USP38: variants seen among roughly 807,000 people sequenced by gnomAD.
USP38 encodes the protein ubiquitin specific peptidase 38, also known as ubiquitin carboxyl-terminal hydrolase 38.
Under a neutral mutation model 94.3 loss-of-function variants are expected in USP38, and 49 were observed. That is an observed-to-expected ratio of 0.52 (90% confidence interval 0.41 to 0.66). The LOEUF (loss-of-function observed/expected upper bound fraction) is 0.66. Ranked by LOEUF, USP38 falls within the 30% of genes least tolerant of loss-of-function variation. The pLI, the probability that USP38 is intolerant of heterozygous loss-of-function variation, is 0.00. For synonymous variants in USP38, 468 were observed against 463.6 expected, an observed-to-expected ratio of 1.01 and a Z score of -0.12; for missense variants, 1,128 against 1,229.4, an observed-to-expected ratio of 0.92 and a Z score of 1.23.
chr4:143,192,210 T>G (rs1338062880), intron 2 of USP38, among the ~76,000 whole-genome samples: 1 of 152,220 alleles, frequency 6.6e-6, no homozygotes, highest in Non-Finnish European at 1.5e-5. Flanking sequence ...GAATGCTTTC[T>G]TAGTCTGTTT....
chr4:143,197,787 C>A (rs1295042587), intron 3 of USP38, 36 bp from the exon 4 acceptor site: 2 of 1,462,524 alleles, frequency 1.4e-6, no homozygotes, highest in African/African-American at 1.4e-5. Flanking sequence ...GATTTTCCTG[C>A]AAATTCTTAA....
At chr4:143,187,989 A>T in intron 2 of USP38, 28 bp downstream of exon 2, 1 of 1,578,246 alleles carries the variant, frequency 6.3e-7, no homozygotes, top group Non-Finnish European at 8.6e-7. Flanking sequence ...TATTAATGGT[A>T]ATTGTAGATT....
At chr4:143,191,515 A>T (rs1731396260) in intron 2 of USP38, among the ~76,000 whole-genome samples, 1 of 152,252 alleles carries the variant, frequency 6.6e-6, no homozygotes, top group Non-Finnish European at 1.5e-5. Context: ...ACAAGCTGCC[A>T]TGTAAAAATG....
chr4:143,215,060 T>A, intron 9 of USP38, 117 bp downstream of exon 9: 1 of 1,000,062 alleles, frequency 1.0e-6, no homozygotes, highest in Non-Finnish European at 1.4e-6. Flanking sequence ...AATATAGGTC[T>A]GGATTTACAT....
intron 4 of USP38, among the ~76,000 whole-genome samples, chr4:143,200,959 A>G (rs951936646): frequency 6.6e-6 from 1 of 152,198 alleles, no homozygotes; most frequent in Non-Finnish European, 1.5e-5. Flanking sequence ...GCCCAAAGCA[A>G]TTTACAGATG....
chr4:143,196,932 A>T (rs1296603753), intron 3 of USP38, among the ~76,000 whole-genome samples: 3 of 152,194 alleles, frequency 2.0e-5, no homozygotes, highest in African/African-American at 7.2e-5. Context: ...AATTCTACTG[A>T]TACCACCTTT....
intron 3 of USP38, 93 bp from the exon 4 acceptor site, chr4:143,197,730 A>G: frequency 3.7e-6 from 3 of 809,054 alleles, no homozygotes; most frequent in Middle Eastern, 2.3e-4. Flanking sequence ...GGGGACATTC[A>G]TATAAATAAA....
chr4:143,214,339 T>G lies in USP38; in HGVS notation c.2363T>G (p.Leu788Arg), dbSNP rs1285046261. ...ATTTTAGACAATGTATCACTGCCAC[T>G]GGTTTTGGAGTTGCCAGTTAAAAGA... Reference protein sequence around the residue: ...RKILDNVSLPLVLELPVKRIT... With the variant: ...RKILDNVSLPRVLELPVKRIT... The change falls in exon 9 of 10, where the codon CTG becomes CGG. Residue 788 changes from leucine to arginine, a missense_variant. Leu to Arg is a moderately radical substitution (Grantham distance 102, BLOSUM62 -2). Transcript: ENST00000307017. 1.2e-6 allele frequency: 2 copies of G among 1,613,246 alleles called. No individual in the cohort carries two copies. The highest frequency in any genetic ancestry group is 1.7e-5 in the Admixed American group (1 of 59,844).
chr4:143,199,089 TA>T (rs1731635127), intron 4 of USP38, among the ~76,000 whole-genome samples: 1 of 152,146 alleles, frequency 6.6e-6, no homozygotes. Flanking sequence ...ACCCAGTTAT[TA>T]AACCCAGTAC....
chr4:143,214,873 T>A lies in USP38; in HGVS notation c.2897T>A (p.Ile966Lys), dbSNP rs779832702. Residue 966 changes from isoleucine to lysine, a missense_variant, in exon 9 of 10, where the codon ATA becomes AAA. Transcript: ENST00000307017. ...SGNNPTSGLW[I>K]NGDPPLQKEL... ...AATAACCCAACCAGTGGACTCTGGATAAATGGAGACCCACCTCTACAGAAA... is the reference window on the plus strand; with the variant it reads ...AATAACCCAACCAGTGGACTCTGGAAAAATGGAGACCCACCTCTACAGAAA... 6 of 1,613,538 alleles carry A rather than the reference T, an allele frequency of 3.7e-6. No individual in the cohort carries two copies. Among genetic ancestry groups the A allele is most frequent in the Non-Finnish European group, 4.2e-6 (5 of 1,179,670 alleles).
chr4:143,192,857 A>C (rs1035666445), intron 2 of USP38, among the ~76,000 whole-genome samples: 2 of 152,216 alleles, frequency 1.3e-5, no homozygotes, highest in Admixed American at 6.5e-5. Flanking sequence ...ATTGGCATAC[A>C]TGAAATAAGG....
Position 143,185,713 on chromosome 4 carries a change from T to G in USP38, c.263T>G (p.Leu88Arg). The change falls in exon 1 of 10, where the codon CTC becomes CGC. Residue 88 changes from leucine to arginine, a missense_variant. Coordinates refer to ENST00000307017, the MANE Select transcript of USP38 (RefSeq NM_032557.6). ...TTCAACAAGACCTTCGTGTTGGGCCTCCTTCATCAGGGCTACCACTCTCTG... is the reference window on the plus strand; with the variant it reads ...TTCAACAAGACCTTCGTGTTGGGCCGCCTTCATCAGGGCTACCACTCTCTG... The part of the protein sequence containing the change: ...SFFNKTFVLG[L>R]LHQGYHSLDR... 1 of 1,614,152 alleles carries G rather than the reference T, an allele frequency of 6.2e-7. No homozygotes were observed. The highest frequency in any genetic ancestry group is 8.5e-7 in the Non-Finnish European group (1 of 1,180,028).
chr4:143,190,720 C>T (rs1731372257), intron 2 of USP38, among the ~76,000 whole-genome samples: 1 of 152,090 alleles, frequency 6.6e-6, no homozygotes, highest in Non-Finnish European at 1.5e-5. Context: ...ATCCCCACTA[C>T]CTTGAAGAAA....
intron 8 of USP38, 143 bp downstream of exon 8, chr4:143,212,567 T>C (rs1379825137): frequency 1.9e-6 from 1 of 517,974 alleles, no homozygotes; most frequent in African/African-American, 2.1e-5. Context: ...TTTTTTATAT[T>C]TTCTTTTGTT....
intron 9 of USP38, among the ~76,000 whole-genome samples, chr4:143,218,660 A>G (rs1297636954): frequency 6.6e-6 from 1 of 152,188 alleles, no homozygotes; most frequent in Non-Finnish European, 1.5e-5. Context: ...GTCATTCGAC[A>G]TAGTTTCTAT....
At chr4:143,200,363 G>A (rs1731677160) in intron 4 of USP38, among the ~76,000 whole-genome samples, 1 of 152,134 alleles carries the variant, frequency 6.6e-6, no homozygotes, top group Non-Finnish European at 1.5e-5. Flanking sequence ...CAATAAACTA[G>A]GTATTAGAGG....
chr4:143,195,634 G>T (rs966544611), intron 2 of USP38, 82 bp from the exon 3 acceptor site: 16 of 1,385,516 alleles, frequency 1.2e-5, no homozygotes, highest in Admixed American at 2.5e-5. Context: ...CAAAGTGAGT[G>T]ATTATCTACT....
Position 143,214,207 on chromosome 4 carries a change from C to A in USP38, c.2231C>A (p.Ser744Tyr), listed in dbSNP as rs1270171227. 1.2e-6 allele frequency: 2 copies of A among 1,613,650 alleles called. No individual in the cohort carries two copies. Among genetic ancestry groups the A allele is most frequent in the Non-Finnish European group, 1.7e-6 (2 of 1,179,820 alleles). Residue 744 changes from serine (S) to tyrosine (Y), a missense_variant, in exon 9 of 10, where the codon TCT (serine) becomes TAT (tyrosine). Coordinates refer to ENST00000307017, the MANE Select transcript of USP38 (RefSeq NM_032557.6). ...DNQYYCENCASLQNAEKTMQI... is the reference protein window; with the variant it reads ...DNQYYCENCAYLQNAEKTMQI... ...CAATATTATTGTGAAAACTGTGCCT[C>A]TCTGCAAAATGCTGAGAAAACTATG...
At chr4:143,212,849 A>T (rs900959339) in intron 8 of USP38, among the ~76,000 whole-genome samples, 2 of 152,130 alleles carry the variant, frequency 1.3e-5, no homozygotes, top group Non-Finnish European at 2.9e-5. Context: ...TGCCATTCTT[A>T]CTTTTTTTTG....
Sources: gnomAD v4.1 joint callset for allele counts (sites outside exome capture counted in the v4.1 genomes callset) on GRCh38, gnomAD v4.1.1 for gene constraint, MANE v1.5 for transcripts, NCBI Gene and HGNC (gene_info 2026-07-23, HGNC 2026-07-21) for gene names.